The following IL3RA variants were observed in gnomAD, a reference collection of about 807,000 sequenced individuals.
IL3RA encodes interleukin-3 receptor subunit alpha.
IL3RA carries 73 observed loss-of-function variants against 52.3 expected under a neutral mutation model. That is an observed-to-expected ratio of 1.40 (90% CI 1.16 to 1.70). The LOEUF (loss-of-function observed/expected upper bound fraction) is 1.70, where lower values mean the gene tolerates loss of function less well. IL3RA is among the 40% of genes most tolerant of loss of function. The probability of loss-of-function intolerance (pLI) is 0.00; values close to 1 mark genes in which losing one functional copy is unlikely to be tolerated. For synonymous variants in IL3RA, 260 were observed against 194.0 expected (o/e 1.34, Z -2.83); for missense variants, 664 against 504.4 (o/e 1.32, Z -3.03).
chrX:1,343,035 A>G (rs1344742765), intron 2 of IL3RA, among the ~76,000 whole-genome samples: 4 of 151,560 alleles, frequency 2.6e-5, no homozygotes, highest in African/African-American at 4.8e-5. Context: ...AGATCACGCC[A>G]TTGCACTCCA....
chrX:1,363,530 T>C lies in IL3RA; in HGVS notation c.760-1608T>C, dbSNP rs756777694. ...GTCTCGATCTCCTGACCTTGTGATC[T>C]GCCCGCCTTGGCCCTCCAAAGTGCT... On this transcript the variant is annotated intron_variant, in intron 8 of 11. Transcript: ENST00000331035. 2.9e-3 allele frequency among the ~76,000 whole-genome samples: 439 copies of C among 151,592 alleles called. 4 individuals are homozygous for C. The highest frequency in any genetic ancestry group is 9.9e-3 in the African/African-American group (408 of 41,344).
Position 1,358,878 on chromosome X carries a change from C to G in IL3RA, c.750C>G (p.Ile250Met). Reference sequence around the variant, plus strand: ...TGTTGCAGAGAATGCAGCCTGTAATCACAGAACAGGTGAGTGTTCCCTACC... The same window carrying G: ...TGTTGCAGAGAATGCAGCCTGTAATGACAGAACAGGTGAGTGTTCCCTACC... ...LQIQKRMQPV[I>M]TEQVRDRTSF... The change falls in exon 8 of 12, where the codon ATC (isoleucine) becomes ATG (methionine). Residue 250 changes from isoleucine to methionine, a missense_variant. Coordinates refer to ENST00000331035, the MANE Select transcript of IL3RA (RefSeq NM_002183.4). 1.2e-6 allele frequency: 2 copies of G among 1,613,260 alleles called. No individual in the cohort carries two copies. Among genetic ancestry groups the G allele is most frequent in the Non-Finnish European group, 1.7e-6 (2 of 1,179,622 alleles).
rs1474619920 is a variant in IL3RA at position 1,353,742 on chromosome X, CCATCATGGGTTT to C, written c.616+1247_616+1258del. Reference sequence around the variant, plus strand: ...GTTCCATCATGGGTCATGGGAACCCCCATCATGGGTTTCATCATGGGTCATAGGATCCCCTAT... The same window carrying C: ...GTTCCATCATGGGTCATGGGAACCCCCATCATGGGTCATAGGATCCCCTAT... On this transcript the variant is annotated intron_variant, in intron 6 of 11. Coordinates refer to ENST00000331035, the MANE Select transcript of IL3RA (RefSeq NM_002183.4). Among the ~76,000 whole-genome samples, 13 of 142,624 alleles carry C rather than the reference CCATCATGGGTTT, an allele frequency of 9.1e-5. No homozygotes were observed. In the East Asian group the frequency reaches 2.7e-3, roughly 30 times the overall value. The allele number at this position is 142,624 out of a possible 152,430, so 93.6% of individuals were successfully genotyped here. A position where few individuals can be genotyped will look rare whatever the true frequency, so the allele number is the denominator to read the frequency against.
chrX:1,380,551 A>G (rs866895265), intron 10 of IL3RA, among the ~76,000 whole-genome samples: 1 of 16,848 alleles, frequency 5.9e-5, no homozygotes, highest in African/African-American at 2.9e-4. Flanking sequence ...GAGGAGGAGG[A>G]GGGGGAGGAG....
At chrX:1,356,436 T>C (rs1454971300) in intron 7 of IL3RA, 100 bp downstream of exon 7, 13 of 695,222 alleles carry the variant, frequency 1.9e-5, no homozygotes, top group Middle Eastern at 3.6e-4. Flanking sequence ...CAATCTCCTC[T>C]GATAACGTCA....
chrX:1,373,798 G>C (rs1322622622), intron 9 of IL3RA, among the ~76,000 whole-genome samples: 103 of 49,540 alleles, frequency 2.1e-3, no homozygotes, highest in South Asian at 3.7e-3. Flanking sequence ...AAGAAGAGGA[G>C]ATGAGGACAC....
intron 8 of IL3RA, among the ~76,000 whole-genome samples, chrX:1,361,710 G>A (rs184389437): frequency 1.5e-3 from 212 of 144,202 alleles, no homozygotes; most frequent in South Asian, 6.0e-3. Context: ...TTGAGATCGC[G>A]CCACTGCACT....
rs770561026 is a variant in IL3RA at position 1,365,131 on chromosome X, A to G, written c.760-7A>G. 1.1e-5 allele frequency: 17 copies of G among 1,601,412 alleles called. No individual in the cohort carries two copies. In the Admixed American group the frequency reaches 1.7e-4, roughly 16 times the overall value. The stretch of plus-strand genomic sequence containing the variant: ...GCCCCTCTTCTTTATTTTCTTTCAA[A>G]CCACAGGTCAGAGACAGAACCTCCT... On this transcript the variant is annotated splice_region_variant and splice_polypyrimidine_tract_variant and intron_variant, in intron 8 of 11. Transcript: ENST00000331035.
At chrX:1,344,259 C>A (rs1256110757) in intron 2 of IL3RA, among the ~76,000 whole-genome samples, 17 of 151,750 alleles carry the variant, frequency 1.1e-4, no homozygotes, top group African/African-American at 3.6e-4. Context: ...CATGGTGAAA[C>A]CCCATCTCTA....
At position 1,355,826 on chromosome X, in the gene IL3RA, G is replaced by T. The variant is rs17880784; in HGVS notation, c.617-395G>T. 3.4e-3 allele frequency among the ~76,000 whole-genome samples: 518 copies of T among 152,126 alleles called. 2 individuals are homozygous for T. Among genetic ancestry groups the T allele is most frequent in the African/African-American group, 0.012 (499 of 41,480 alleles). On this transcript the variant is annotated intron_variant, in intron 6 of 11. Transcript: ENST00000331035. Reference sequence around the variant, plus strand: ...GGCATGGGAAGTAGGGGTTGGCCCTGGGCAGGGGTGGGGAGTGGGCCAGGC... The same window carrying T: ...GGCATGGGAAGTAGGGGTTGGCCCTTGGCAGGGGTGGGGAGTGGGCCAGGC...
chrX:1,365,076 C>T, intron 8 of IL3RA, 62 bp from the exon 9 acceptor site: 2 of 1,272,318 alleles, frequency 1.6e-6, no homozygotes, highest in Non-Finnish European at 2.3e-6. Flanking sequence ...CCCTAAGTGC[C>T]CAGGTGAGAG....
At chrX:1,368,106 C>G (rs1402497507) in intron 9 of IL3RA, among the ~76,000 whole-genome samples, 3 of 152,020 alleles carry the variant, frequency 2.0e-5, no homozygotes, top group Non-Finnish European at 4.4e-5. Context: ...AAAAATGTAA[C>G]AAATTAGCCA....
chrX:1,366,774 G>A (rs1603448415), intron 9 of IL3RA, among the ~76,000 whole-genome samples: 2 of 10,318 alleles, frequency 1.9e-4, no homozygotes, highest in African/African-American at 1.6e-3. Context: ...CGGGGTGCGC[G>A]GGGTGAGCGG....
intron 9 of IL3RA, among the ~76,000 whole-genome samples, chrX:1,378,381 C>T (rs1435323368): frequency 1.1e-3 from 172 of 152,262 alleles, no homozygotes; most frequent in African/African-American, 3.5e-3. Flanking sequence ...GAGCACCAGG[C>T]AGACAGGGAT....
intron 3 of IL3RA, 98 bp downstream of exon 3, chrX:1,345,532 C>G (rs2085704314): frequency 1.2e-6 from 1 of 807,242 alleles, no homozygotes; most frequent in Admixed American, 3.3e-5. Flanking sequence ...CTCTGTCGCC[C>G]AGGCTGGACT....
Position 1,378,741 on chromosome X carries a change from C to G in IL3RA, c.957C>G (p.Val319=), listed in dbSNP as rs1569528337. 6.2e-7 allele frequency: 1 copy of G among 1,612,462 alleles called. No homozygotes were observed. The highest frequency in any genetic ancestry group is 8.5e-7 in the Non-Finnish European group (1 of 1,179,832). ...CGCTGGGGACGCTGCTGGCCCTGGT[C>G]TGTGTCTTCGTGATCTGCAGAAGGT... ...LIALGTLLAL[V]CVFVICRRYL... is the part of the protein sequence containing the mutation. The change falls in exon 10 of 12, where the codon GTC becomes GTG. Residue 319 remains valine (V), a synonymous_variant. Coordinates refer to ENST00000331035, the MANE Select transcript of IL3RA (RefSeq NM_002183.4).
chrX:1,368,633 A>C (rs1467998813), intron 9 of IL3RA, among the ~76,000 whole-genome samples: 1 of 152,170 alleles, frequency 6.6e-6, no homozygotes, highest in African/African-American at 2.4e-5. Flanking sequence ...GGTGGGCCCT[A>C]ATCTAACAGG....
At chrX:1,347,641 AAAAC>A (rs200636063) in intron 3 of IL3RA, among the ~76,000 whole-genome samples, 3,775 of 151,852 alleles carry the variant, frequency 0.025, 206 homozygotes, top group African/African-American at 0.086. Flanking sequence ...AAAGAAACAA[AAAAC>A]AAACAAACAA....
chrX:1,381,970 C>T (rs1281208498), intron 11 of IL3RA, among the ~76,000 whole-genome samples: 1 of 150,658 alleles, frequency 6.6e-6, no homozygotes, highest in Non-Finnish European at 1.5e-5. Flanking sequence ...TTTTGAGACG[C>T]AGTTTTGTTC....
Sources: allele counts gnomAD v4.1 joint callset (sites outside exome capture counted in the v4.1 genomes callset), GRCh38; gene constraint gnomAD v4.1.1; transcripts MANE v1.5; gene names NCBI Gene and HGNC (gene_info 2026-07-23, HGNC 2026-07-21).